Variants in L3MBTL4 observed in about 807,000 individuals in gnomAD.
L3MBTL4 encodes lethal(3)malignant brain tumor-like protein 4.
A neutral mutation model predicts 84.5 loss-of-function variants in L3MBTL4; 70 were observed. The observed-to-expected ratio is 0.83, with a 90% CI of 0.68 to 1.01. L3MBTL4 has a LOEUF of 1.01. Among genes scored for constraint, L3MBTL4 ranks in the 50% least tolerant of loss-of-function variants. The pLI is 0.00. For synonymous variants in L3MBTL4, 274 were observed against 259.8 expected, an observed-to-expected ratio of 1.05 and a Z score of -0.52; for missense variants, 715 against 754.8, an observed-to-expected ratio of 0.95 and a Z score of 0.62.
intron 4 of L3MBTL4, among the ~76,000 whole-genome samples, chr18:6,291,007 C>T (rs923329002): frequency 8.5e-5 from 13 of 152,108 alleles, no homozygotes; most frequent in African/African-American, 2.9e-4. Flanking sequence ...AGAGGCCACA[C>T]AGAAAGTTCA....
chr18:6,286,045 T>C (rs2049567813), intron 4 of L3MBTL4, among the ~76,000 whole-genome samples: 1 of 151,640 alleles, frequency 6.6e-6, no homozygotes. Flanking sequence ...TTGGCCATGC[T>C]GGTCTCAATT....
intron 7 of L3MBTL4, among the ~76,000 whole-genome samples, chr18:6,242,510 C>A (rs2047494434): frequency 6.6e-6 from 1 of 152,178 alleles, no homozygotes; most frequent in African/African-American, 2.4e-5. Context: ...AATGAATGAG[C>A]CTGTAGCCTG....
chr18:6,195,287 G>T (rs927873019), intron 12 of L3MBTL4, among the ~76,000 whole-genome samples: 1 of 152,136 alleles, frequency 6.6e-6, no homozygotes, highest in Non-Finnish European at 1.5e-5. Flanking sequence ...AGAGAAGGGG[G>T]CAGGTTTGCA....
chr18:6,311,214 T>C (rs138173520), intron 3 of L3MBTL4, among the ~76,000 whole-genome samples: 68 of 151,858 alleles, frequency 4.5e-4, no homozygotes, highest in African/African-American at 1.6e-3. Context: ...CATATACACA[T>C]ACGGTCATCC....
intron 16 of L3MBTL4, among the ~76,000 whole-genome samples, chr18:5,973,328 C>T (rs974815997): frequency 6.6e-6 from 1 of 152,186 alleles, no homozygotes; most frequent in African/African-American, 2.4e-5. Flanking sequence ...ATCTGCTTCC[C>T]AGGCAGCCTG....
chr18:6,226,747 T>A (rs1203772052), intron 10 of L3MBTL4, among the ~76,000 whole-genome samples: 2 of 152,034 alleles, frequency 1.3e-5, no homozygotes, highest in African/African-American at 2.4e-5. Context: ...AGAGGCATAA[T>A]TAAAAAGTCA....
rs552423196 is a variant in L3MBTL4, at chr18:5,993,466, G to A, written c.1445-23904C>T. ...GAGCATATGCCCACTATTTTGGGTC[G>A]TGAAACAGCTTTTGGTATTTCACTC... On this transcript the variant is annotated intron_variant, in intron 16 of 18. Transcript: ENST00000317931. Among the ~76,000 whole-genome samples, 12 of 152,316 alleles carry A rather than the reference G, an allele frequency of 7.9e-5. No homozygotes were observed. In the East Asian group the frequency reaches 1.3e-3, roughly 17 times the overall value.
chr18:6,093,019 A>G (rs1046275707), intron 15 of L3MBTL4, among the ~76,000 whole-genome samples: 1 of 152,224 alleles, frequency 6.6e-6, no homozygotes, highest in Non-Finnish European at 1.5e-5. Context: ...AAAAGAGGTA[A>G]TATCTATGAA....
intron 14 of L3MBTL4, among the ~76,000 whole-genome samples, chr18:6,126,935 G>A (rs2059714061): frequency 6.6e-6 from 1 of 152,192 alleles, no homozygotes; most frequent in South Asian, 2.1e-4. Flanking sequence ...GTAACAGGAT[G>A]TCAAGGAAAA....
At chr18:6,088,199 C>A (rs994191332) in intron 15 of L3MBTL4, among the ~76,000 whole-genome samples, 10 of 152,124 alleles carry the variant, frequency 6.6e-5, no homozygotes, top group African/African-American at 2.4e-4. Context: ...ATAGGACTGG[C>A]TCTGAGAAAG....
chr18:5,964,662 G>T (rs889156655), intron 17 of L3MBTL4, among the ~76,000 whole-genome samples: 1 of 152,146 alleles, frequency 6.6e-6, no homozygotes, highest in African/African-American at 2.4e-5. Flanking sequence ...ACTTGGTTGA[G>T]GCTAGGGCAA....
At chr18:6,088,538 A>G (rs1296351165) in intron 15 of L3MBTL4, among the ~76,000 whole-genome samples, 1 of 149,554 alleles carries the variant, frequency 6.7e-6, no homozygotes, top group Non-Finnish European at 1.5e-5. Context: ...GAATGAAAAC[A>G]ACACTGCAGG....
chr18:6,181,545 G>C (rs1296473145), intron 12 of L3MBTL4, among the ~76,000 whole-genome samples: 2 of 151,726 alleles, frequency 1.3e-5, no homozygotes, highest in African/African-American at 4.9e-5. Context: ...GGCCAGCCTG[G>C]TCTCGAACTC....
At chr18:6,127,854 C>A (rs2059745680) in intron 14 of L3MBTL4, among the ~76,000 whole-genome samples, 1 of 152,092 alleles carries the variant, frequency 6.6e-6, no homozygotes, top group African/African-American at 2.4e-5. Flanking sequence ...GCCACCCTCC[C>A]AGAAGTTCAC....
chr18:5,964,554 A>C (rs1255076270), intron 17 of L3MBTL4, among the ~76,000 whole-genome samples: 2 of 151,662 alleles, frequency 1.3e-5, no homozygotes, highest in African/African-American at 2.4e-5. Flanking sequence ...TGCTCTGCTT[A>C]TGAGCAATAC....
intron 15 of L3MBTL4, among the ~76,000 whole-genome samples, chr18:6,085,328 G>C (rs1301505159): frequency 1.3e-5 from 2 of 152,138 alleles, no homozygotes; most frequent in Non-Finnish European, 2.9e-5. Context: ...GTCTGTTTGT[G>C]TTGATATGAC....
chr18:5,987,427 C>A (rs1346212601), intron 16 of L3MBTL4, among the ~76,000 whole-genome samples: 4 of 152,250 alleles, frequency 2.6e-5, no homozygotes, highest in Admixed American at 2.6e-4. Flanking sequence ...TACTCGCAAA[C>A]CCCACACAGA....
rs1212307285 is a variant in L3MBTL4 at position 6,311,832 on chromosome 18, CAA to C, written c.-32+164_-32+165del. On this transcript the variant is annotated intron_variant, in intron 2 of 18. Transcript: ENST00000317931. ...TATAGTACTTAATATAATAATAAGA[CAA>C]GGGGGAGGGCAATGCGTTTACTACC... is the stretch of plus-strand genomic sequence containing the variant. Among the ~76,000 whole-genome samples, 11 of 152,192 alleles carry C rather than the reference CAA, an allele frequency of 7.2e-5. No homozygotes were observed. The East Asian group carries it at 1.4e-3, about 19-fold the overall frequency.
chr18:6,383,261 A>G (rs762571470), intron 1 of L3MBTL4, among the ~76,000 whole-genome samples: 2 of 151,882 alleles, frequency 1.3e-5, no homozygotes, highest in Non-Finnish European at 2.9e-5. Context: ...TGGGGGTAGG[A>G]CCTGCTGAGC....
Sources: gnomAD v4.1 joint callset for allele counts (sites outside exome capture counted in the v4.1 genomes callset) on GRCh38, gnomAD v4.1.1 for gene constraint, MANE v1.5 for transcripts, NCBI Gene and HGNC (gene_info 2026-07-23, HGNC 2026-07-21) for gene names.